RMI2: variants seen among roughly 807,000 people sequenced by gnomAD.
RMI2 encodes the protein recQ-mediated genome instability protein 2.
In RMI2, 11 loss-of-function variants were observed where a neutral mutation model predicts 8.4. The observed-to-expected ratio is 1.32, with a 90% confidence interval of 0.83 to 2.18. The LOEUF is 2.18. Ranked by LOEUF, RMI2 falls within the 30% of genes most tolerant of loss-of-function variation. The probability of loss-of-function intolerance (pLI) is 0.00; values close to 1 mark genes in which losing one functional copy is unlikely to be tolerated. For missense variants in RMI2, 253 were observed against 207.5 expected (o/e 1.22, Z -1.35); for synonymous variants, 105 against 93.8 (o/e 1.12, Z -0.69).
In RMI2 at chr16:11,349,886, G is replaced by A. The variant is rs1210951170; in HGVS notation, c.296-756G>A. Among the ~76,000 whole-genome samples, 1 of 152,254 alleles carries A rather than the reference G, an allele frequency of 6.6e-6. No individual in the cohort carries two copies. The highest frequency in any genetic ancestry group is 1.9e-4 in the East Asian group (1 of 5,198). ...CTTTCAAGGAGAGTCACTTCCCCAA[G>A]GGAATGGGAAGAGAGTCACAGTTAA... On this transcript the variant is annotated intron_variant, in intron 1 of 1. Coordinates refer to ENST00000312499, the MANE Select transcript of RMI2 (RefSeq NM_152308.3). The surrounding 1 kb of genome is among the most constrained non-coding windows in gnomAD (Gnocchi z 4.2).
At chr16:11,346,379 C>T (rs539374192) in intron 1 of RMI2, among the ~76,000 whole-genome samples, 19 of 151,818 alleles carry the variant, frequency 1.3e-4, no homozygotes, top group Non-Finnish European at 2.6e-4. Context: ...CATGCTTCAG[C>T]CTCCCGAGTA....
intron 1 of RMI2, 60 bp downstream of exon 1, chr16:11,345,826 G>A: frequency 8.5e-7 from 1 of 1,180,690 alleles, no homozygotes; most frequent in Non-Finnish European, 1.1e-6. Flanking sequence ...AGTTGCCGAG[G>A]CCAGATTCGA....
chr16:11,345,563 G>A lies in RMI2; in HGVS notation c.92G>A (p.Arg31Gln). ...PPLKVLAEQL[R>Q]RDAEGGPGAW... ...CTCAAGGTGCTGGCGGAGCAGCTGCGGCGCGACGCGGAGGGCGGCCCGGGC... is the reference window on the plus strand; with the variant it reads ...CTCAAGGTGCTGGCGGAGCAGCTGCAGCGCGACGCGGAGGGCGGCCCGGGC... The change falls in exon 1 of 2, where the codon CGG becomes CAG. Residue 31 changes from arginine (R) to glutamine (Q), a missense_variant. Transcript: ENST00000312499. The A allele has an allele frequency of 8.1e-7, 1 of 1,229,372 alleles. No individual in the cohort carries two copies. Among genetic ancestry groups the A allele is most frequent in the Non-Finnish European group, 1.0e-6 (1 of 986,862 alleles). 76.2% of individuals were successfully genotyped at this position (1,229,372 alleles called of 1,614,324 possible).
intron 1 of RMI2, among the ~76,000 whole-genome samples, chr16:11,346,594 T>A (rs1188943084): frequency 6.6e-6 from 1 of 152,094 alleles, no homozygotes; most frequent in East Asian, 1.9e-4. Context: ...TGCTCAAACT[T>A]GAGCCAGCAT....
chr16:11,347,792 T>C (rs1283137380), intron 1 of RMI2, among the ~76,000 whole-genome samples: 1 of 152,158 alleles, frequency 6.6e-6, no homozygotes, highest in Non-Finnish European at 1.5e-5. Flanking sequence ...TTACTATTAT[T>C]ATTTTTGAGA....
Position 11,351,080 on chromosome 16 carries a change from A to G in RMI2, c.*290A>G. ...TGTGTTAATTCTCTCTCTCTCTCTC[A>G]GACACAGAAGTCTCATGTTGCATTT... On this transcript the variant is annotated 3_prime_UTR_variant, in exon 2 of 2. Coordinates refer to ENST00000312499, the MANE Select transcript of RMI2 (RefSeq NM_152308.3). The G allele has an allele frequency of 3.5e-6, 1 of 287,808 alleles. No homozygotes were observed. Among genetic ancestry groups the G allele is most frequent in the Non-Finnish European group, 6.5e-6 (1 of 153,722 alleles). 17.8% of individuals were successfully genotyped at this position (287,808 alleles called of 1,614,324 possible). A position where few individuals can be genotyped will look rare whatever the true frequency, so the allele number is the denominator to read the frequency against.
chr16:11,345,840 T>C, intron 1 of RMI2, 74 bp downstream of exon 1: 1 of 1,135,608 alleles, frequency 8.8e-7, no homozygotes, highest in Non-Finnish European at 1.1e-6. Context: ...GATTCGATCT[T>C]GTTGTTGACA....
At chr16:11,345,789 C>G in intron 1 of RMI2, 23 bp downstream of exon 1, 1 of 1,230,464 alleles carries the variant, frequency 8.1e-7, no homozygotes, top group South Asian at 4.1e-5. Context: ...CCTTACCGGG[C>G]GCCCTCTTCC....
chr16:11,345,841 G>T (rs933255337), intron 1 of RMI2, 75 bp downstream of exon 1: 2 of 1,138,226 alleles, frequency 1.8e-6, no homozygotes, highest in Admixed American at 4.3e-5. Flanking sequence ...ATTCGATCTT[G>T]TTGTTGACAC....
intron 1 of RMI2, among the ~76,000 whole-genome samples, chr16:11,346,162 A>AGT (rs1235263805): frequency 1.3e-5 from 2 of 152,032 alleles, no homozygotes. Flanking sequence ...TTCTCAGGGA[A>AGT]GTCCTCCCTA....
chr16:11,346,779 T>A (rs1254447715), intron 1 of RMI2, among the ~76,000 whole-genome samples: 1 of 152,160 alleles, frequency 6.6e-6, no homozygotes, highest in Non-Finnish European at 1.5e-5. Flanking sequence ...TTTTATTTAT[T>A]TGAGATAGGG....
At position 11,350,869 on chromosome 16, in the gene RMI2, C is replaced by CA; in HGVS notation, c.*80dup. On this transcript the variant is annotated 3_prime_UTR_variant, in exon 2 of 2. Transcript: ENST00000312499. ...CTTATAATGATGTGGATTTCATGGACACTTTTCAATGCGTATTTTTCAAAT... is the reference window on the plus strand; with the variant it reads ...CTTATAATGATGTGGATTTCATGGACAACTTTTCAATGCGTATTTTTCAAAT... 10 of 1,235,570 alleles carry CA rather than the reference C, an allele frequency of 8.1e-6. No homozygotes were observed. Among genetic ancestry groups the CA allele is most frequent in the Non-Finnish European group, 1.0e-5 (9 of 889,576 alleles). 76.5% of individuals were successfully genotyped at this position (1,235,570 alleles called of 1,614,324 possible). A position where few individuals can be genotyped will look rare whatever the true frequency, so the allele number is the denominator to read the frequency against.
Position 11,345,534 on chromosome 16 carries a change from GC to G in RMI2, c.65del (p.Pro22HisfsTer43). 7.8e-7 allele frequency: 1 copy of G among 1,285,108 alleles called. No individual in the cohort carries two copies. The highest frequency in any genetic ancestry group is 2.6e-5 in the South Asian group (1 of 38,680). The allele number at this position is 1,285,108 out of a possible 1,614,324, so 79.6% of individuals were successfully genotyped here. On this transcript the variant is annotated frameshift_variant, in exon 1 of 2. Transcript: ENST00000312499. LOFTEE classifies it high-confidence loss of function. ...CGGGGGTGCGGCTTCCGAGGTCGCC[GC>G]CACTCAAGGTGCTGGCGGAGCAGCT... ...PAGVRLPRSP[P>X]LKVLAEQLRR...
chr16:11,348,350 T>G lies in RMI2; in HGVS notation c.296-2292T>G, dbSNP rs116883380. ...AACCCATGCTGCTTGGTGTGTTGGT[T>G]TGCAGGCAAAGCACCTTGCAGGCAG... is the stretch of plus-strand genomic sequence containing the variant. On this transcript the variant is annotated intron_variant, in intron 1 of 1. Coordinates refer to ENST00000312499, the MANE Select transcript of RMI2 (RefSeq NM_152308.3). 5.2e-5 allele frequency: 8 copies of G among 152,384 alleles called. No homozygotes were observed. In the East Asian group the frequency reaches 1.5e-3, roughly 29 times the overall value. 9.4% of individuals were successfully genotyped at this position (152,384 alleles called of 1,614,324 possible).
chr16:11,347,728 C>A (rs981084250), intron 1 of RMI2, among the ~76,000 whole-genome samples: 8 of 152,122 alleles, frequency 5.3e-5, no homozygotes, highest in Non-Finnish European at 1.2e-4. Flanking sequence ...AAACTACAGG[C>A]CTCCTCTTTT....
chr16:11,347,585 A>G (rs573551700), intron 1 of RMI2, among the ~76,000 whole-genome samples: 1 of 152,264 alleles, frequency 6.6e-6, no homozygotes, highest in Admixed American at 6.5e-5. Flanking sequence ...CACCTGGCTC[A>G]CAGTGAGGAT....
chr16:11,351,546 C>T lies in RMI2; in HGVS notation c.*756C>T, dbSNP rs913633319. The T allele has an allele frequency of 4.3e-6, 1 of 232,386 alleles. No individual in the cohort carries two copies. The highest frequency in any genetic ancestry group is 8.5e-6 in the Non-Finnish European group (1 of 117,518). The allele number at this position is 232,386 out of a possible 1,614,324, so 14.4% of individuals were successfully genotyped here. On this transcript the variant is annotated 3_prime_UTR_variant, in exon 2 of 2. Transcript: ENST00000312499. Reference sequence around the variant, plus strand: ...TTCCACTTCATAACTTTCGGCGAGACATGGTGAGCCTCCTGGTGTAGAGTT... The same window carrying T: ...TTCCACTTCATAACTTTCGGCGAGATATGGTGAGCCTCCTGGTGTAGAGTT...
chr16:11,345,838 C>A (rs1417629497), intron 1 of RMI2, 72 bp downstream of exon 1: 2 of 1,153,676 alleles, frequency 1.7e-6, no homozygotes, highest in Non-Finnish European at 2.2e-6. Context: ...CAGATTCGAT[C>A]TTGTTGTTGA....
chr16:11,351,492 A>T lies in RMI2; in HGVS notation c.*702A>T, dbSNP rs2070973571. 1.3e-5 allele frequency: 3 copies of T among 232,082 alleles called. No individual in the cohort carries two copies. The Admixed American group carries it at 1.7e-4, about 13-fold the overall frequency. The allele number at this position is 232,082 out of a possible 1,614,324, so 14.4% of individuals were successfully genotyped here. ...TTGTTGAAATGAAAAACATCAAGATAAAGGACGCCTTTCAGGCATTAGCTA... is the reference window on the plus strand; with the variant it reads ...TTGTTGAAATGAAAAACATCAAGATTAAGGACGCCTTTCAGGCATTAGCTA... On this transcript the variant is annotated 3_prime_UTR_variant, in exon 2 of 2. Transcript: ENST00000312499.
Sources: allele counts gnomAD v4.1 joint callset (sites outside exome capture counted in the v4.1 genomes callset), GRCh38; gene constraint gnomAD v4.1.1; non-coding constraint Gnocchi (gnomAD v3.1); transcripts MANE v1.5; gene names NCBI Gene and HGNC (gene_info 2026-07-23, HGNC 2026-07-21).